CFAP77: variants seen among roughly 807,000 people sequenced by gnomAD.
CFAP77 encodes cilia and flagella associated protein 77, also known as cilia- and flagella-associated protein 77.
A neutral mutation model predicts 31.1 loss-of-function variants in CFAP77; 25 were observed. That is an observed-to-expected ratio of 0.80 (90% CI 0.59 to 1.12). The LOEUF is 1.12. Ranked by LOEUF, CFAP77 falls within the 50% of genes most tolerant of loss-of-function variation. CFAP77 has a pLI of 0.00. For synonymous variants in CFAP77, 151 were observed against 159.9 expected, an observed-to-expected ratio of 0.94 and a Z score of 0.42; for missense variants, 377 against 397.3, an observed-to-expected ratio of 0.95 and a Z score of 0.44.
intron 1 of CFAP77, among the ~76,000 whole-genome samples, chr9:132,468,614 T>A (rs1405149793): frequency 1.3e-5 from 2 of 152,186 alleles, no homozygotes; most frequent in Non-Finnish European, 2.9e-5. Context: ...GCCCTGCATT[T>A]TCTAACAATT....
chr9:132,457,907 T>G (rs893200150), intron 1 of CFAP77, among the ~76,000 whole-genome samples: 4 of 152,150 alleles, frequency 2.6e-5, no homozygotes, highest in Admixed American at 1.3e-4. Context: ...CCTGAAACCC[T>G]CTGCACATTT....
At chr9:132,482,464 GA>G in intron 1 of CFAP77, 6 of 1,525,238 alleles carry the variant, frequency 3.9e-6, no homozygotes, top group Non-Finnish European at 3.6e-6. Flanking sequence ...AGAAAAAGGG[GA>G]AAAGAGGGGC....
chr9:132,569,728 CTTTT>C (rs558402201), intron 5 of CFAP77, among the ~76,000 whole-genome samples: 3 of 98,476 alleles, frequency 3.0e-5, no homozygotes, highest in Admixed American at 1.2e-4. Flanking sequence ...TCTAGCTGCC[CTTTT>C]TTTTTTTTTT....
Position 132,501,120 on chromosome 9 carries a change from C to T in CFAP77, c.524+1520C>T, listed in dbSNP as rs1028430357. Among the ~76,000 whole-genome samples, 11 of 152,224 alleles carry T rather than the reference C, an allele frequency of 7.2e-5. No individual in the cohort carries two copies. Among genetic ancestry groups the T allele is most frequent in the Admixed American group, 2.6e-4 (4 of 15,284 alleles). On this transcript the variant is annotated intron_variant, in intron 3 of 5. Coordinates refer to ENST00000393216, the MANE Select transcript of CFAP77 (RefSeq NM_001282957.2). The surrounding 1 kb of genome is among the most constrained non-coding windows in gnomAD (Gnocchi z 4.6). ...AAAGCAGAATGTAGTTGTGTTTAATCGAAACTCACTCATGGCTCACATGAT... is the reference window on the plus strand; with the variant it reads ...AAAGCAGAATGTAGTTGTGTTTAATTGAAACTCACTCATGGCTCACATGAT...
At chr9:132,474,718 C>T (rs992769453) in intron 1 of CFAP77, among the ~76,000 whole-genome samples, 1 of 152,158 alleles carries the variant, frequency 6.6e-6, no homozygotes, top group Non-Finnish European at 1.5e-5. Context: ...GAGAAGAAGG[C>T]AGGCAAAATG....
At chr9:132,515,327 G>C (rs568091218) in intron 3 of CFAP77, among the ~76,000 whole-genome samples, 1 of 152,196 alleles carries the variant, frequency 6.6e-6, no homozygotes, top group East Asian at 1.9e-4. Context: ...TGTGTCTTTG[G>C]GTCCAGGGCA....
At chr9:132,453,262 C>T (rs180786305) in intron 1 of CFAP77, among the ~76,000 whole-genome samples, 62 of 152,348 alleles carry the variant, frequency 4.1e-4, no homozygotes, top group African/African-American at 1.4e-3. Flanking sequence ...CAGTGGCTCA[C>T]ACCTGTAATC....
intron 5 of CFAP77, among the ~76,000 whole-genome samples, chr9:132,548,069 G>A (rs1852762628): frequency 6.6e-6 from 1 of 152,192 alleles, no homozygotes; most frequent in African/African-American, 2.4e-5. Context: ...ATGAAGAGAT[G>A]GCTCAAGTAC....
chr9:132,442,288 C>T (rs1049618603), intron 1 of CFAP77, among the ~76,000 whole-genome samples: 3 of 152,222 alleles, frequency 2.0e-5, no homozygotes, highest in African/African-American at 7.2e-5. Context: ...CAGTGGCTCA[C>T]ACCTATAATC....
At position 132,572,666 on chromosome 9, in the gene CFAP77, A is replaced by T. The variant is rs998846947; in HGVS notation, c.*156A>T. ...GTCTTAGGCTAATTGTTTTTGGTAA[A>T]AGTCCCCCCTTTTAGGTTAGCCAAC... On this transcript the variant is annotated 3_prime_UTR_variant, in exon 6 of 6. Coordinates refer to ENST00000393216, the MANE Select transcript of CFAP77 (RefSeq NM_001282957.2). 4 of 769,160 alleles carry T rather than the reference A, an allele frequency of 5.2e-6. No homozygotes were observed. Among genetic ancestry groups the T allele is most frequent in the Admixed American group, 3.1e-5 (1 of 32,402 alleles). 47.6% of individuals were successfully genotyped at this position (769,160 alleles called of 1,614,324 possible).
At chr9:132,466,118 G>T (rs2131730742) in intron 1 of CFAP77, among the ~76,000 whole-genome samples, 1 of 152,274 alleles carries the variant, frequency 6.6e-6, no homozygotes, top group Non-Finnish European at 1.5e-5. Context: ...ACATGGTCTT[G>T]CTCTGTTGCC....
chr9:132,493,556 G>A (rs1851684926), intron 1 of CFAP77, among the ~76,000 whole-genome samples: 1 of 152,214 alleles, frequency 6.6e-6, no homozygotes, highest in East Asian at 1.9e-4. Flanking sequence ...TGGCTCCTGG[G>A]GGAGGGCAGC....
intron 1 of CFAP77, among the ~76,000 whole-genome samples, chr9:132,487,798 G>A (rs1263189432): frequency 6.6e-6 from 1 of 152,110 alleles, no homozygotes; most frequent in African/African-American, 2.4e-5. Flanking sequence ...CTAAGAGGAT[G>A]CCTGAGCCCT....
At chr9:132,476,764 C>T (rs575852732) in intron 1 of CFAP77, among the ~76,000 whole-genome samples, 51 of 152,216 alleles carry the variant, frequency 3.4e-4, no homozygotes, top group African/African-American at 1.2e-3. Flanking sequence ...CAAGGAGCAC[C>T]GCAGACTGCC....
At chr9:132,570,025 T>G (rs1254716954) in intron 5 of CFAP77, among the ~76,000 whole-genome samples, 1 of 152,090 alleles carries the variant, frequency 6.6e-6, no homozygotes, top group Non-Finnish European at 1.5e-5. Flanking sequence ...GAGCCACTGC[T>G]CCCAGCCTCT....
intron 5 of CFAP77, among the ~76,000 whole-genome samples, chr9:132,569,580 G>A (rs1039592670): frequency 3.3e-5 from 5 of 152,044 alleles, no homozygotes; most frequent in Non-Finnish European, 5.9e-5. Context: ...ATTGGTGACT[G>A]GCCACCAGAG....
intron 1 of CFAP77, among the ~76,000 whole-genome samples, chr9:132,416,821 A>G (rs773630444): frequency 7.9e-5 from 12 of 151,710 alleles, no homozygotes; most frequent in Non-Finnish European, 1.3e-4. Context: ...TATTTTTAGT[A>G]GAGACAGGGT....
intron 1 of CFAP77, among the ~76,000 whole-genome samples, chr9:132,457,309 T>TGGGGGGGGGGGGGGGGGGGGGGG (rs5900982): frequency 1.9e-5 from 1 of 51,908 alleles, no homozygotes; most frequent in Admixed American, 1.4e-4. Context: ...GGGACGGGGG[T>TGGGGGGGGGGGGGGGGGGGGGGG]GGGGGGGCGG....
At chr9:132,458,644 C>T (rs1398566465) in intron 1 of CFAP77, among the ~76,000 whole-genome samples, 5 of 110,320 alleles carry the variant, frequency 4.5e-5, no homozygotes, top group African/African-American at 1.8e-4. Context: ...CCTCCTGTGT[C>T]CAGTAGGGTC....
Sources: allele counts gnomAD v4.1 joint callset (sites outside exome capture counted in the v4.1 genomes callset), GRCh38; gene constraint gnomAD v4.1.1; non-coding constraint Gnocchi (gnomAD v3.1); transcripts MANE v1.5; gene names NCBI Gene and HGNC (gene_info 2026-07-23, HGNC 2026-07-21).